DNAH6: variants seen among roughly 807,000 people sequenced by gnomAD.
The protein encoded by DNAH6 is dynein axonemal heavy chain 6, also known as axonemal beta dynein heavy chain 6.
DNAH6 carries 340 observed loss-of-function variants against 491.4 expected under a neutral mutation model. The ratio of observed to expected loss-of-function variants is 0.69; its 90% CI spans 0.63 to 0.76. The LOEUF (loss-of-function observed/expected upper bound fraction) is 0.76, where lower values mean the gene tolerates loss of function less well. Among genes scored for constraint, DNAH6 ranks in the 30% least tolerant of loss-of-function variants. The pLI is 0.00. For missense variants in DNAH6, 4,443 were observed against 4,972.2 expected (o/e 0.89, Z 3.20); for synonymous variants, 1,603 against 1,686.1 (o/e 0.95, Z 1.21).
chr2:84,487,400 T>C, the DNAH6 span, among the ~76,000 whole-genome samples: 3 of 152,166 alleles, frequency 2.0e-5, no homozygotes, highest in African/African-American at 7.2e-5. Context: ...TAGAATAATA[T>C]GAACCCTGTG....
chr2:84,651,194 T>C (rs1463305393), intron 33 of DNAH6, among the ~76,000 whole-genome samples: 1 of 152,176 alleles, frequency 6.6e-6, no homozygotes, highest in East Asian at 1.9e-4. Context: ...TCTCCACTGA[T>C]CCTCCTCTGA....
chr2:84,737,519 T>G (rs1445599528), intron 62 of DNAH6, among the ~76,000 whole-genome samples: 1 of 152,066 alleles, frequency 6.6e-6, no homozygotes, highest in African/African-American at 2.4e-5. Context: ...ATCATTAATC[T>G]GTTCAGGATT....
intron 57 of DNAH6, among the ~76,000 whole-genome samples, chr2:84,715,142 T>C (rs1697396767): frequency 6.6e-6 from 1 of 152,158 alleles, no homozygotes; most frequent in African/African-American, 2.4e-5. Context: ...ACGGCTACCC[T>C]ATGAGTTTTT....
chr2:84,692,508 G>A (rs1694969774), intron 45 of DNAH6, among the ~76,000 whole-genome samples: 1 of 152,016 alleles, frequency 6.6e-6, no homozygotes. Flanking sequence ...GGAAGGGGAG[G>A]AAGAGGAAAA....
At chr2:84,511,363 T>G in the DNAH6 span, among the ~76,000 whole-genome samples, 2 of 152,226 alleles carry the variant, frequency 1.3e-5, no homozygotes, top group Non-Finnish European at 2.9e-5. Context: ...GGCATAGGAC[T>G]CTCCAAGCCA....
At chr2:84,466,681 A>T in the DNAH6 span, among the ~76,000 whole-genome samples, 1 of 152,206 alleles carries the variant, frequency 6.6e-6, no homozygotes, top group Admixed American at 6.5e-5. Context: ...CTCTATTCTG[A>T]TGTCACAGTC....
Position 84,727,876 on chromosome 2 carries a change from C to T in DNAH6, c.10180C>T (p.Leu3394Phe). The change falls in exon 61 of 77, where the codon CTC (leucine) becomes TTC (phenylalanine). Residue 3394 changes from leucine (L) to phenylalanine (F), a missense_variant. Physicochemically the swap from Leu to Phe is conservative, Grantham distance 22. Around this residue, in one of 3 missense-constraint regions of DNAH6, gnomAD observed 1,463 missense variants for 1,656.6 expected, o/e 0.88. Coordinates refer to ENST00000389394, the MANE Select transcript of DNAH6 (RefSeq NM_001370.2). ...ATCTGATGCTGAATGGAATTTCTTT[C>T]TCCGAGGTTCTGCAGGATTGGAAAA... Reference protein sequence around the residue: ...TLSDAEWNFFLRGSAGLEKER... With the variant: ...TLSDAEWNFFFRGSAGLEKER... 6.4e-7 allele frequency: 1 copy of T among 1,551,378 alleles called. No homozygotes were observed. The highest frequency in any genetic ancestry group is 8.7e-7 in the Non-Finnish European group (1 of 1,146,358).
chr2:84,690,981 A>G (rs542202042), intron 45 of DNAH6, among the ~76,000 whole-genome samples: 170 of 152,338 alleles, frequency 1.1e-3, no homozygotes, highest in African/African-American at 3.9e-3. Context: ...TCAAAGAGCA[A>G]ATGCACCAGG....
Position 84,634,561 on chromosome 2 carries a change from G to T in DNAH6, c.4573G>T (p.Glu1525Ter). 6.4e-7 allele frequency: 1 copy of T among 1,550,474 alleles called. No individual in the cohort carries two copies. Among genetic ancestry groups the T allele is most frequent in the Non-Finnish European group, 8.7e-7 (1 of 1,146,466 alleles). Residue 1525 changes from glutamate to a stop codon, truncating the protein, a stop_gained, in exon 30 of 77, where the codon GAA becomes TAA. Coordinates refer to ENST00000389394, the MANE Select transcript of DNAH6 (RefSeq NM_001370.2). LOFTEE classifies it high-confidence loss of function. ...GTCAGGGGCCTGGTGCTGCTTTGAT[G>T]AATTTAATCGAATTGACATAGAAGT... is the stretch of plus-strand genomic sequence containing the variant. ...AQSGAWCCFD[E>*]FNRIDIEVLS...
Position 84,667,604 on chromosome 2 carries a change from G to A in DNAH6, c.6085-1685G>A, listed in dbSNP as rs1398093434. On this transcript the variant is annotated intron_variant, in intron 37 of 76. Transcript: ENST00000389394. ...ATCAGGAAACAGCAGGTGCTGGAAAGGATGTGGAGAAATAGGAACACTTTT... is the reference window on the plus strand; with the variant it reads ...ATCAGGAAACAGCAGGTGCTGGAAAAGATGTGGAGAAATAGGAACACTTTT... 5.3e-5 allele frequency among the ~76,000 whole-genome samples: 8 copies of A among 152,284 alleles called. No individual in the cohort carries two copies. The South Asian group carries it at 1.7e-3, about 32-fold the overall frequency.
At chr2:84,797,687 A>G (rs1385415637) in intron 70 of DNAH6, 29 bp downstream of exon 70, 1 of 1,535,258 alleles carries the variant, frequency 6.5e-7, no homozygotes, top group Non-Finnish European at 8.8e-7. Flanking sequence ...TAAAATACAT[A>G]TTTATGTTGT....
chr2:84,589,648 G>A (rs892586993), intron 16 of DNAH6, among the ~76,000 whole-genome samples: 1 of 150,246 alleles, frequency 6.7e-6, no homozygotes, highest in African/African-American at 2.5e-5. Context: ...GGAGGCGGAG[G>A]TTGCGGTGAG....
chr2:84,689,248 T>C (rs943556549), intron 45 of DNAH6, among the ~76,000 whole-genome samples: 5 of 152,188 alleles, frequency 3.3e-5, no homozygotes, highest in African/African-American at 1.2e-4. Context: ...ATATGGAGCA[T>C]CTCATTTACC....
rs919875288 is a variant in DNAH6, at chr2:84,547,336, T to C, written c.999T>C (p.Tyr333=). The change falls in exon 6 of 77, where the codon TAT becomes TAC. Residue 333 remains tyrosine, a synonymous_variant. Transcript: ENST00000389394. ...CYHLSFMGLC[Y]IEKCHTYTLQ... Reference sequence around the variant, plus strand: ...ATTTGAGTTTTATGGGACTTTGTTATATTGAAAAGTGTCACACCTACACCC... The same window carrying C: ...ATTTGAGTTTTATGGGACTTTGTTACATTGAAAAGTGTCACACCTACACCC... The C allele has an allele frequency of 3.9e-6, 6 of 1,551,442 alleles. No homozygotes were observed. Among genetic ancestry groups the C allele is most frequent in the Non-Finnish European group, 4.4e-6 (5 of 1,146,884 alleles).
chr2:84,762,634 T>G, intron 63 of DNAH6, 121 bp from the exon 64 acceptor site: 1 of 668,570 alleles, frequency 1.5e-6, no homozygotes, highest in Non-Finnish European at 2.5e-6. Context: ...GTATACCCAA[T>G]CAAGACAGAA....
intron 65 of DNAH6, among the ~76,000 whole-genome samples, chr2:84,782,252 C>T (rs1327828160): frequency 6.6e-6 from 1 of 152,138 alleles, no homozygotes; most frequent in Non-Finnish European, 1.5e-5. Context: ...TAAAGTGTTA[C>T]TATAAAAATA....
the DNAH6 span, among the ~76,000 whole-genome samples, chr2:84,503,468 T>C: frequency 6.6e-6 from 1 of 152,244 alleles, no homozygotes; most frequent in East Asian, 1.9e-4. Context: ...TATTCTGATT[T>C]TTTGTGACTT....
At chr2:84,814,162 C>G in intron 75 of DNAH6, 40 bp downstream of exon 75, 1 of 1,539,664 alleles carries the variant, frequency 6.5e-7, no homozygotes, top group Non-Finnish European at 8.8e-7. Context: ...CAGCTTCTAT[C>G]CCACTGTCTT....
Position 84,516,570 on chromosome 2 carries a change from T to C in DNAH6, c.-22T>C, listed in dbSNP as rs1420612943. 1 of 152,024 alleles carries C rather than the reference T, an allele frequency of 6.6e-6. No individual in the cohort carries two copies. The highest frequency in any genetic ancestry group is 1.5e-5 in the Non-Finnish European group (1 of 68,012). The allele number at this position is 152,024 out of a possible 1,614,324, so 9.4% of individuals were successfully genotyped here. A position where few individuals can be genotyped will look rare whatever the true frequency, so the allele number is the denominator to read the frequency against. On this transcript the variant is annotated 5_prime_UTR_variant, in exon 1 of 77. Transcript: ENST00000389394. The stretch of plus-strand genomic sequence containing the variant: ...TCTGGAGACCCTCGGCGGTGGTTGC[T>C]GTATTTTGACTTGGTGAGTCCTGGG...
Sources: gnomAD v4.1 joint callset for allele counts (sites outside exome capture counted in the v4.1 genomes callset) on GRCh38, gnomAD v4.1.1 for gene constraint, gnomAD v4.1.1 regional missense constraint, MANE v1.5 for transcripts, NCBI Gene and HGNC (gene_info 2026-07-23, HGNC 2026-07-21) for gene names.